MSN: variants seen among roughly 807,000 people sequenced by gnomAD.
The protein encoded by MSN is moesin, also known as epididymis luminal protein 70.
MSN carries 2 observed loss-of-function variants against 48.0 expected under a neutral mutation model. That is an observed-to-expected ratio of 0.04 (90% CI 0.02 to 0.13). The LOEUF (loss-of-function observed/expected upper bound fraction) is 0.13. Among genes scored for constraint, MSN ranks in the 10% least tolerant of loss-of-function variants. The pLI is 1.00. For missense variants in MSN, 267 were observed against 470.1 expected, an observed-to-expected ratio of 0.57 and a Z score of 3.99; for synonymous variants, 146 against 166.9, an observed-to-expected ratio of 0.87 and a Z score of 0.97.
intron 1 of MSN, among the ~76,000 whole-genome samples, chrX:65,628,013 T>C (rs989959916): frequency 8.9e-6 from 1 of 112,762 alleles, no homozygotes. Flanking sequence ...TTCACAATGA[T>C]GCAAGAGATG....
At chrX:65,706,918 T>C (rs765976582) in intron 1 of MSN, among the ~76,000 whole-genome samples, 44 of 112,012 alleles carry the variant, frequency 3.9e-4, no homozygotes, top group African/African-American at 1.2e-3. Flanking sequence ...GGCAAGTTAC[T>C]TGTAATTATT....
At chrX:65,692,526 C>T (rs992402049) in intron 1 of MSN, among the ~76,000 whole-genome samples, 2 of 112,424 alleles carry the variant, frequency 1.8e-5, no homozygotes, top group African/African-American at 6.5e-5. Flanking sequence ...GATATTTATC[C>T]AGGTTTGAGG....
upstream of MSN, among the ~76,000 whole-genome samples, chrX:65,664,885 G>T (rs960850363): frequency 1.8e-5 from 2 of 109,766 alleles, no homozygotes; most frequent in South Asian, 8.0e-4. Flanking sequence ...GAGTAGCTGG[G>T]ATTACAGGCA....
intron 1 of MSN, among the ~76,000 whole-genome samples, chrX:65,599,376 C>A (rs1294612565): frequency 8.9e-6 from 1 of 111,963 alleles, no homozygotes; most frequent in Non-Finnish European, 1.9e-5. Flanking sequence ...GGCTCACGCC[C>A]ATAATCCCAG....
At chrX:65,631,092 C>A (rs2070553423) in intron 1 of MSN, among the ~76,000 whole-genome samples, 1 of 107,730 alleles carries the variant, frequency 9.3e-6, no homozygotes, top group African/African-American at 3.4e-5. Flanking sequence ...CTATATCCTG[C>A]TTCTTTTTTT....
At chrX:65,672,380 G>GA (rs1459120235) in intron 1 of MSN, among the ~76,000 whole-genome samples, 1 of 112,061 alleles carries the variant, frequency 8.9e-6, no homozygotes, top group Non-Finnish European at 1.9e-5. Context: ...TTGCAAAAAG[G>GA]AAAAAACAGG....
chrX:65,666,106 G>A (rs561894943), upstream of MSN, among the ~76,000 whole-genome samples: 9 of 111,214 alleles, frequency 8.1e-5, no homozygotes, highest in African/African-American at 2.6e-4. Context: ...TCCGCCTCCC[G>A]GAAGCGATTC....
At chrX:65,695,507 C>CAAAAAAAA (rs759652563) in intron 1 of MSN, among the ~76,000 whole-genome samples, 7 of 12,947 alleles carry the variant, frequency 5.4e-4, no homozygotes, top group Non-Finnish European at 1.3e-3. Flanking sequence ...AACTCTGTCT[C>CAAAAAAAA]AAAAAAAAAA....
At chrX:65,734,092 T>A (rs996602291) in intron 7 of MSN, among the ~76,000 whole-genome samples, 2 of 112,012 alleles carry the variant, frequency 1.8e-5, no homozygotes, top group Non-Finnish European at 3.8e-5. Flanking sequence ...ACCAAAAAAG[T>A]GCTTTAAGTT....
At chrX:65,624,316 G>A (rs148130395) in intron 1 of MSN, among the ~76,000 whole-genome samples, 1,956 of 110,137 alleles carry the variant, frequency 0.018, 92 homozygotes, top group African/African-American at 0.062. Context: ...GACCTCAGGT[G>A]ATCCACCTGC....
chrX:65,600,126 T>C (rs1421092789), intron 1 of MSN, among the ~76,000 whole-genome samples: 1 of 110,997 alleles, frequency 9.0e-6, no homozygotes, highest in Non-Finnish European at 1.9e-5. Context: ...TGGACCATTG[T>C]TGGGGGACTA....
At position 65,699,934 on chromosome X, in the gene MSN, T is replaced by A. The variant is rs184733709; in HGVS notation, c.13-16884T>A. 1.6e-3 allele frequency among the ~76,000 whole-genome samples: 172 copies of A among 110,925 alleles called. 3 individuals carry two copies. The Middle Eastern group carries it at 0.032, about 21-fold the overall frequency. ...TGCTTTTTACCTTACTGAACCTCCATTTCTCCCTTCTTTAAAATGGTACTT... is the reference window on the plus strand; with the variant it reads ...TGCTTTTTACCTTACTGAACCTCCAATTCTCCCTTCTTTAAAATGGTACTT... On this transcript the variant is annotated intron_variant, in intron 1 of 12. Coordinates refer to ENST00000360270, the MANE Select transcript of MSN (RefSeq NM_002444.3).
At chrX:65,737,917 T>G (rs1442261793) in intron 10 of MSN, among the ~76,000 whole-genome samples, 2 of 112,280 alleles carry the variant, frequency 1.8e-5, no homozygotes, top group Non-Finnish European at 3.8e-5. Flanking sequence ...CATCACAGTT[T>G]CCAAGGGTTC....
chrX:65,651,561 T>TTTTTTATTATTATTA (rs1234656209), intron 1 of MSN, among the ~76,000 whole-genome samples: 4 of 94,531 alleles, frequency 4.2e-5, no homozygotes, highest in Admixed American at 3.7e-4. Flanking sequence ...AGAAGTAATA[T>TTTTTTATTATTATTA]TTATTATTAT....
At chrX:65,678,003 G>A (rs1384800175) in intron 1 of MSN, among the ~76,000 whole-genome samples, 3 of 111,043 alleles carry the variant, frequency 2.7e-5, no homozygotes, top group Admixed American at 9.6e-5. Context: ...CATAGCCTGG[G>A]CATTTTCCTA....
chrX:65,666,670 A>T (rs755188811), upstream of MSN, among the ~76,000 whole-genome samples: 26 of 110,473 alleles, frequency 2.4e-4, no homozygotes, highest in Non-Finnish European at 4.2e-4. Flanking sequence ...TATGCTCCCC[A>T]GGCTGGTCTC....
chrX:65,614,729 G>A (rs778674218), intron 1 of MSN, among the ~76,000 whole-genome samples: 2 of 82,355 alleles, frequency 2.4e-5, no homozygotes, highest in African/African-American at 4.8e-5. Flanking sequence ...TATACTTTAA[G>A]TTTTAGGGTA....
chrX:65,681,542 C>T, intron 1 of MSN, among the ~76,000 whole-genome samples: 1 of 112,161 alleles, frequency 8.9e-6, no homozygotes, highest in Non-Finnish European at 1.9e-5. Context: ...GGAGAAGGGA[C>T]AGGTGTATTA....
chrX:65,609,145 G>T (rs1377734151), intron 1 of MSN, among the ~76,000 whole-genome samples: 1 of 104,824 alleles, frequency 9.5e-6, no homozygotes, highest in Non-Finnish European at 2.0e-5. Context: ...AGTCCCTGAA[G>T]GTGTTGGTGG....
Sources: gnomAD v4.1 joint callset for allele counts (sites outside exome capture counted in the v4.1 genomes callset) on GRCh38, gnomAD v4.1.1 for gene constraint, MANE v1.5 for transcripts, NCBI Gene and HGNC (gene_info 2026-07-23, HGNC 2026-07-21) for gene names.